MYOM2: variants seen among roughly 807,000 people sequenced by gnomAD.
MYOM2 encodes the protein myomesin 2, also known as myomesin-2.
MYOM2 carries 254 observed loss-of-function variants against 187.6 expected under a neutral mutation model. That is an observed-to-expected ratio of 1.35 (90% CI 1.22 to 1.50). The LOEUF is 1.50. MYOM2 is among the 40% of genes most tolerant of loss of function. The pLI is 0.00. For synonymous variants in MYOM2, 981 were observed against 753.8 expected, an observed-to-expected ratio of 1.30 and a Z score of -4.94; for missense variants, 2,796 against 1,924.0, an observed-to-expected ratio of 1.45 and a Z score of -8.48.
chr8:2,045,046 A>C lies in MYOM2; in HGVS notation c.-135A>C, dbSNP rs1194493838. ...AGTAGCTCCTCAGACCTTAAACGGG[A>C]GGGAGGCACAGGCGCTTGCTTTGCA... On this transcript the variant is annotated 5_prime_UTR_variant, in exon 1 of 37. Coordinates refer to ENST00000262113, the MANE Select transcript of MYOM2 (RefSeq NM_003970.4). 3 of 152,356 alleles carry C rather than the reference A, an allele frequency of 2.0e-5. No individual in the cohort carries two copies. Among genetic ancestry groups the C allele is most frequent in the Non-Finnish European group, 2.9e-5 (2 of 68,080 alleles). The allele number at this position is 152,356 out of a possible 1,614,324, so 9.4% of individuals were successfully genotyped here.
chr8:2,057,838 G>A, intron 5 of MYOM2, 58 bp downstream of exon 5: 1 of 1,577,710 alleles, frequency 6.3e-7, no homozygotes, highest in South Asian at 1.2e-5. Context: ...CTTTCAGAAA[G>A]ACCCCAGTTA....
intron 27 of MYOM2, among the ~76,000 whole-genome samples, chr8:2,117,247 T>A (rs1797279949): frequency 1.3e-5 from 2 of 152,008 alleles, no homozygotes; most frequent in Non-Finnish European, 2.9e-5. Context: ...AGGATGTATT[T>A]ATGTATATGA....
chr8:2,090,625 C>G lies in MYOM2; in HGVS notation c.1828+434C>G, dbSNP rs1796266959. 3.3e-5 allele frequency among the ~76,000 whole-genome samples: 5 copies of G among 152,262 alleles called. No homozygotes were observed. The South Asian group carries it at 1.0e-3, about 32-fold the overall frequency. ...TGCCTGCTCCTCTCCCTCCTCCCACCCTAGACCCTCTGATAGTCCCCCGTG... is the reference window on the plus strand; with the variant it reads ...TGCCTGCTCCTCTCCCTCCTCCCACGCTAGACCCTCTGATAGTCCCCCGTG... On this transcript the variant is annotated intron_variant, in intron 15 of 36. Coordinates refer to ENST00000262113, the MANE Select transcript of MYOM2 (RefSeq NM_003970.4).
At chr8:2,133,134 G>A (rs1797934613) in intron 32 of MYOM2, among the ~76,000 whole-genome samples, 1 of 149,404 alleles carries the variant, frequency 6.7e-6, no homozygotes, top group Non-Finnish European at 1.5e-5. Flanking sequence ...CATGTGTTCT[G>A]ATGTTCACTA....
At chr8:2,136,088 C>T (rs754204186) in intron 32 of MYOM2, among the ~76,000 whole-genome samples, 4 of 152,192 alleles carry the variant, frequency 2.6e-5, no homozygotes, top group African/African-American at 7.2e-5. Context: ...TGAGTCGTAT[C>T]GAGGGAACAG....
chr8:2,108,675 C>G, intron 23 of MYOM2, 111 bp from the exon 24 acceptor site: 2 of 1,010,128 alleles, frequency 2.0e-6, no homozygotes, highest in Non-Finnish European at 3.1e-6. Context: ...TTCGTGTCCT[C>G]CAATTAAATC....
intron 25 of MYOM2, among the ~76,000 whole-genome samples, chr8:2,110,687 C>G (rs1797040686): frequency 1.3e-5 from 2 of 152,154 alleles, no homozygotes; most frequent in South Asian, 2.1e-4. Context: ...GTTCATTACA[C>G]AAGTTTTAGG....
At chr8:2,099,539 T>C (rs2116768795) in intron 19 of MYOM2, among the ~76,000 whole-genome samples, 1 of 152,094 alleles carries the variant, frequency 6.6e-6, no homozygotes, top group Non-Finnish European at 1.5e-5. Flanking sequence ...GGCTTCTGCT[T>C]CTAAAAGGCA....
intron 8 of MYOM2, among the ~76,000 whole-genome samples, chr8:2,070,037 C>G (rs1819160274): frequency 6.6e-6 from 1 of 152,214 alleles, no homozygotes. Flanking sequence ...TGCCCTGGCC[C>G]TGTAATGAGG....
intron 13 of MYOM2, among the ~76,000 whole-genome samples, chr8:2,084,405 C>A (rs1382779520): frequency 1.3e-5 from 2 of 152,290 alleles, no homozygotes; most frequent in South Asian, 2.1e-4. Flanking sequence ...CCTGAGGGAG[C>A]AACTGGGTTT....
chr8:2,074,942 C>T (rs1484161005), intron 10 of MYOM2, among the ~76,000 whole-genome samples: 2 of 152,244 alleles, frequency 1.3e-5, no homozygotes, highest in Admixed American at 6.5e-5. Context: ...CTCCCGGCTC[C>T]ATCCCGATCA....
intron 8 of MYOM2, 74 bp downstream of exon 8, chr8:2,069,571 T>C: frequency 6.4e-7 from 1 of 1,564,364 alleles, no homozygotes; most frequent in South Asian, 1.1e-5. Flanking sequence ...AAACATGGTT[T>C]CCTAAGGGCC....
chr8:2,125,040 T>C (rs1797588952), intron 31 of MYOM2, among the ~76,000 whole-genome samples: 1 of 152,188 alleles, frequency 6.6e-6, no homozygotes, highest in Admixed American at 6.5e-5. Context: ...ATGGGTTCTT[T>C]CTTCCTTTTG....
chr8:2,054,441 T>A (rs946647733), intron 3 of MYOM2, among the ~76,000 whole-genome samples: 1 of 152,170 alleles, frequency 6.6e-6, no homozygotes, highest in Non-Finnish European at 1.5e-5. Flanking sequence ...GTCCCGGGGC[T>A]TGTCATTTAC....
At position 2,123,622 on chromosome 8, in the gene MYOM2, T is replaced by C. The variant is rs758069225; in HGVS notation, c.3635T>C (p.Ile1212Thr). 1 of 1,614,200 alleles carries C rather than the reference T, an allele frequency of 6.2e-7. No individual in the cohort carries two copies. Among genetic ancestry groups the C allele is most frequent in the Non-Finnish European group, 8.5e-7 (1 of 1,180,010 alleles). Reference sequence around the variant, plus strand: ...GATGACAGAGGCCAAGATGTGTCCATCCTTGAAATAGCTGGCAAAGGTAAA... The same window carrying C: ...GATGACAGAGGCCAAGATGTGTCCACCCTTGAAATAGCTGGCAAAGGTAAA... ...LKDDRGQDVS[I>T]LEIAGKVYDD... Residue 1212 changes from isoleucine (I) to threonine (T), a missense_variant, in exon 30 of 37, where the codon ATC becomes ACC. Transcript: ENST00000262113.
At chr8:2,107,931 A>T (rs1021891266) in intron 23 of MYOM2, among the ~76,000 whole-genome samples, 1 of 152,224 alleles carries the variant, frequency 6.6e-6, no homozygotes, top group Non-Finnish European at 1.5e-5. Context: ...TTGTGTATAG[A>T]CTTCAAATAT....
Position 2,137,232 on chromosome 8 carries a change from G to A in MYOM2, c.3801-3491G>A, listed in dbSNP as rs550205266. Reference sequence around the variant, plus strand: ...GTCTTCTCCCTAACACCCACGTGATGTGTGGGAGGATGAGCTCACACAGGG... The same window carrying A: ...GTCTTCTCCCTAACACCCACGTGATATGTGGGAGGATGAGCTCACACAGGG... On this transcript the variant is annotated intron_variant, in intron 32 of 36. Coordinates refer to ENST00000262113, the MANE Select transcript of MYOM2 (RefSeq NM_003970.4). Among the ~76,000 whole-genome samples the A allele has an allele frequency of 3.3e-5, 5 of 152,054 alleles. No individual in the cohort carries two copies. In the South Asian group the frequency reaches 8.3e-4, roughly 25 times the overall value.
At chr8:2,142,935 T>C (rs1448125338) in intron 35 of MYOM2, among the ~76,000 whole-genome samples, 1 of 151,884 alleles carries the variant, frequency 6.6e-6, no homozygotes, top group Non-Finnish European at 1.5e-5. Context: ...TTTGTATTTT[T>C]AGTAGAGACA....
At position 2,102,925 on chromosome 8, in the gene MYOM2, G is replaced by A. The variant is rs1426927747; in HGVS notation, c.2734+144G>A. ...GTGTGTATGTGTGGATGGGTCTGTAGATAAATGAATGGGAGAGTGTGCATG... is the reference window on the plus strand; with the variant it reads ...GTGTGTATGTGTGGATGGGTCTGTAAATAAATGAATGGGAGAGTGTGCATG... On this transcript the variant is annotated intron_variant, in intron 21 of 36. Transcript: ENST00000262113. The A allele has an allele frequency of 4.7e-6, 3 of 641,722 alleles. No homozygotes were observed. In the African/African-American group the frequency reaches 5.4e-5, roughly 12 times the overall value. 39.8% of individuals were successfully genotyped at this position (641,722 alleles called of 1,614,324 possible).
Sources: gnomAD v4.1 joint callset for allele counts (sites outside exome capture counted in the v4.1 genomes callset) on GRCh38, gnomAD v4.1.1 for gene constraint, MANE v1.5 for transcripts, NCBI Gene and HGNC (gene_info 2026-07-23, HGNC 2026-07-21) for gene names.